Variants in RHOD observed in about 807,000 individuals in gnomAD.
RHOD encodes the protein rho-related GTP-binding protein RhoD.
A neutral mutation model predicts 16.7 loss-of-function variants in RHOD; 11 were observed. The ratio of observed to expected loss-of-function variants is 0.66; its 90% CI spans 0.41 to 1.09. The LOEUF (loss-of-function observed/expected upper bound fraction) is 1.09, where lower values mean the gene tolerates loss of function less well. Among genes scored for constraint, RHOD ranks in the 50% least tolerant of loss-of-function variants. The probability of loss-of-function intolerance (pLI) is 0.00; values close to 1 mark genes in which losing one functional copy is unlikely to be tolerated. For missense variants in RHOD, 271 were observed against 291.7 expected (o/e 0.93, Z 0.52); for synonymous variants, 124 against 126.3 (o/e 0.98, Z 0.12).
rs1416118572 is a variant in RHOD at position 67,071,579 on chromosome 11, C to A, written c.610C>A (p.Gln204Lys). The change falls in exon 5 of 5, where the codon CAG becomes AAG. Residue 204 changes from glutamine (Q) to lysine (K), a missense_variant. By Grantham distance (53) the Gln-to-Lys change is moderately conservative (BLOSUM62 1). Coordinates refer to ENST00000308831, the MANE Select transcript of RHOD (RefSeq NM_014578.4). ...RGRNFWRRIT[Q>K]GFCVVT ...TCGCAACTTCTGGCGGCGGATTACC[C>A]AGGGCTTTTGCGTGGTGACCTGAGC... 1.2e-6 allele frequency: 2 copies of A among 1,609,338 alleles called. No individual in the cohort carries two copies. Among genetic ancestry groups the A allele is most frequent in the Non-Finnish European group, 1.7e-6 (2 of 1,177,918 alleles).
At chr11:67,059,476 GA>G (rs1415098135) in intron 1 of RHOD, among the ~76,000 whole-genome samples, 3 of 152,102 alleles carry the variant, frequency 2.0e-5, no homozygotes, top group Admixed American at 1.3e-4. Context: ...TCAGGAGGTG[GA>G]GGTTGCAGTG....
chr11:67,071,685 G>A lies in RHOD; in HGVS notation c.*83G>A. 1 of 1,363,496 alleles carries A rather than the reference G, an allele frequency of 7.3e-7. No homozygotes were observed. Among genetic ancestry groups the A allele is most frequent in the Non-Finnish European group, 9.8e-7 (1 of 1,025,502 alleles). 84.5% of individuals were successfully genotyped at this position (1,363,496 alleles called of 1,614,324 possible). ...CTGGCTGGGCTGGACCCGGTCCCTAGGCTGTGACCGCCGAACTCCACTGCA... is the reference window on the plus strand; with the variant it reads ...CTGGCTGGGCTGGACCCGGTCCCTAAGCTGTGACCGCCGAACTCCACTGCA... On this transcript the variant is annotated 3_prime_UTR_variant, in exon 5 of 5. Transcript: ENST00000308831.
At chr11:67,070,326 C>A in intron 3 of RHOD, 99 bp from the exon 4 acceptor site, 1 of 1,296,748 alleles carries the variant, frequency 7.7e-7, no homozygotes, top group Non-Finnish European at 1.1e-6. Flanking sequence ...TTATCCATAT[C>A]AGAGCTCAGG....
chr11:67,063,800 C>CA (rs71045978), intron 1 of RHOD, among the ~76,000 whole-genome samples: 951 of 37,724 alleles, frequency 0.025, 26 homozygotes, highest in East Asian at 0.061. Context: ...GACTCTCTCT[C>CA]AAAAAAAAAA....
In RHOD at chr11:67,071,959, A is replaced by C; in HGVS notation, c.*357A>C. The C allele has an allele frequency of 5.7e-5, 14 of 245,276 alleles. No homozygotes were observed. The highest frequency in any genetic ancestry group is 9.3e-5 in the Non-Finnish European group (12 of 129,198). The allele number at this position is 245,276 out of a possible 1,614,324, so 15.2% of individuals were successfully genotyped here. A position where few individuals can be genotyped will look rare whatever the true frequency, so the allele number is the denominator to read the frequency against. The stretch of plus-strand genomic sequence containing the variant: ...TTAGGTCCCTCTGGCCAGAACCCAC[A>C]CCCGGCCCCTTCCCACCTGTCATAC... On this transcript the variant is annotated 3_prime_UTR_variant, in exon 5 of 5. Coordinates refer to ENST00000308831, the MANE Select transcript of RHOD (RefSeq NM_014578.4).
chr11:67,058,225 G>A (rs1854842676), intron 1 of RHOD, among the ~76,000 whole-genome samples: 2 of 151,654 alleles, frequency 1.3e-5, no homozygotes, highest in African/African-American at 2.4e-5. Context: ...CGCCAGGTTA[G>A]AGTGCAGTGG....
intron 3 of RHOD, 194 bp from the exon 4 acceptor site, chr11:67,070,231 C>T (rs549239727): frequency 3.0e-5 from 21 of 690,070 alleles, no homozygotes; most frequent in East Asian, 1.2e-4. Flanking sequence ...GCCACGGCCT[C>T]GGGGAATTAA....
At chr11:67,060,448 TACAG>T (rs1170794273) in intron 1 of RHOD, among the ~76,000 whole-genome samples, 3 of 152,080 alleles carry the variant, frequency 2.0e-5, no homozygotes, top group East Asian at 1.9e-4. Flanking sequence ...CAACAAAAGG[TACAG>T]ACAGAGTCTC....
chr11:67,062,543 C>T (rs377047739), intron 1 of RHOD, among the ~76,000 whole-genome samples: 108 of 152,238 alleles, frequency 7.1e-4, no homozygotes, highest in African/African-American at 2.5e-3. Context: ...TGGGGCCAGC[C>T]CTTACCTCAA....
intron 1 of RHOD, among the ~76,000 whole-genome samples, chr11:67,060,011 A>AG: frequency 6.6e-6 from 1 of 152,228 alleles, no homozygotes; most frequent in Non-Finnish European, 1.5e-5. Context: ...CTCCTAGGAC[A>AG]GGGGGAAGCC....
chr11:67,070,543 C>A lies in RHOD; in HGVS notation c.449C>A (p.Pro150His). The change falls in exon 4 of 5, where the codon CCT becomes CAT. Residue 150 changes from proline to histidine, a missense_variant. Pro to His is a moderately conservative substitution (Grantham distance 77, BLOSUM62 -2). Coordinates refer to ENST00000308831, the MANE Select transcript of RHOD (RefSeq NM_014578.4). Reference sequence around the variant, plus strand: ...AAGCTCCGAAGAAACGGATTGGAGCCTGTGACCTACCACAGGGTAGGAAAC... The same window carrying A: ...AAGCTCCGAAGAAACGGATTGGAGCATGTGACCTACCACAGGGTAGGAAAC... ...VNKLRRNGLE[P>H]VTYHRGQEMA... 6.2e-7 allele frequency: 1 copy of A among 1,614,112 alleles called. No homozygotes were observed. Among genetic ancestry groups the A allele is most frequent in the Non-Finnish European group, 8.5e-7 (1 of 1,180,020 alleles).
chr11:67,061,213 C>T (rs1854881929), intron 1 of RHOD, among the ~76,000 whole-genome samples: 1 of 152,144 alleles, frequency 6.6e-6, no homozygotes, highest in South Asian at 2.1e-4. Context: ...AACTTCCTCA[C>T]TATTGGCCAG....
chr11:67,070,376 T>A, intron 3 of RHOD, 49 bp from the exon 4 acceptor site: 1 of 1,602,936 alleles, frequency 6.2e-7, no homozygotes, highest in Non-Finnish European at 8.5e-7. Flanking sequence ...GGGCCAGAAC[T>A]CTCCAGGGCT....
At chr11:67,066,875 G>A in intron 3 of RHOD, 28 bp downstream of exon 3, 1 of 1,466,990 alleles carries the variant, frequency 6.8e-7, no homozygotes, top group Middle Eastern at 1.7e-4. Flanking sequence ...GGGAGGCATA[G>A]CCCCCATAGC....
At chr11:67,069,129 G>T (rs920289475) in intron 3 of RHOD, among the ~76,000 whole-genome samples, 3 of 150,670 alleles carry the variant, frequency 2.0e-5, no homozygotes, top group Non-Finnish European at 4.4e-5. Flanking sequence ...CACCAAGCCC[G>T]GCTGATGCCA....
chr11:67,070,165 G>A (rs1855008703), intron 3 of RHOD: 6 of 533,216 alleles, frequency 1.1e-5, no homozygotes, highest in Non-Finnish European at 2.1e-5. Flanking sequence ...AAGTTACATC[G>A]CCTTTCTGTG....
Position 67,070,516 on chromosome 11 carries a change from A to G in RHOD, c.422A>G (p.Asn141Ser). The change falls in exon 4 of 5, where the codon AAC (asparagine) becomes AGC (serine). Residue 141 changes from asparagine (N) to serine (S), a missense_variant. By Grantham distance (46) the Asn-to-Ser change is conservative. Coordinates refer to ENST00000308831, the MANE Select transcript of RHOD (RefSeq NM_014578.4). The part of the protein sequence containing the change: ...TDLRKDKSLV[N>S]KLRRNGLEPV... ...CTGCGCAAGGACAAATCACTGGTGA[A>G]CAAGCTCCGAAGAAACGGATTGGAG... The G allele has an allele frequency of 6.2e-7, 1 of 1,614,152 alleles. No homozygotes were observed. Among genetic ancestry groups the G allele is most frequent in the Non-Finnish European group, 8.5e-7 (1 of 1,180,044 alleles).
At chr11:67,068,177 A>G (rs1854982991) in intron 3 of RHOD, among the ~76,000 whole-genome samples, 1 of 152,178 alleles carries the variant, frequency 6.6e-6, no homozygotes, top group Admixed American at 6.5e-5. Flanking sequence ...TGGGTTCGGG[A>G]GTGGGACATC....
chr11:67,071,753 C>G lies in RHOD; in HGVS notation c.*151C>G. On this transcript the variant is annotated 3_prime_UTR_variant, in exon 5 of 5. Coordinates refer to ENST00000308831, the MANE Select transcript of RHOD (RefSeq NM_014578.4). ...AAGCCAGGCCCTGAGGCCTGGGAGT[C>G]CTGGACTGAGAAAGGGGGTTCCTGG... The G allele has an allele frequency of 1.3e-6, 1 of 785,386 alleles. No individual in the cohort carries two copies. Among genetic ancestry groups the G allele is most frequent in the Non-Finnish European group, 2.0e-6 (1 of 512,676 alleles). The allele number at this position is 785,386 out of a possible 1,614,324, so 48.7% of individuals were successfully genotyped here. A position where few individuals can be genotyped will look rare whatever the true frequency, so the allele number is the denominator to read the frequency against.
Sources: gnomAD v4.1 joint callset for allele counts (sites outside exome capture counted in the v4.1 genomes callset) on GRCh38, gnomAD v4.1.1 for gene constraint, MANE v1.5 for transcripts, NCBI Gene and HGNC (gene_info 2026-07-23, HGNC 2026-07-21) for gene names.